The following SMARCC1 variants were observed in gnomAD, a reference collection of about 807,000 sequenced individuals.
SMARCC1 encodes the protein SWI/SNF complex subunit SMARCC1.
Under a neutral mutation model 147.4 loss-of-function variants are expected in SMARCC1, and 43 were observed. The observed-to-expected ratio is 0.29, with a 90% confidence interval of 0.23 to 0.38. The LOEUF (loss-of-function observed/expected upper bound fraction) is 0.38. Ranked by LOEUF, SMARCC1 falls within the 10% of genes least tolerant of loss-of-function variation. The pLI, the probability that SMARCC1 is intolerant of heterozygous loss-of-function variation, is 1.00. For missense variants in SMARCC1, 1,119 were observed against 1,381.1 expected (o/e 0.81, Z 3.01); for synonymous variants, 495 against 484.4 (o/e 1.02, Z -0.29).
chr3:47,690,914 C>G (rs73083171), intron 12 of SMARCC1, among the ~76,000 whole-genome samples: 2,037 of 152,276 alleles, frequency 0.013, 27 homozygotes, highest in Non-Finnish European at 0.02. Context: ...AAGTAACTAA[C>G]AGAAAGAAAT....
intron 26 of SMARCC1, among the ~76,000 whole-genome samples, chr3:47,599,202 C>T (rs1349265603): frequency 1.3e-5 from 2 of 152,180 alleles, no homozygotes; most frequent in Non-Finnish European, 2.9e-5. Flanking sequence ...GCCTAGCCAA[C>T]ATGGTGAAAC....
chr3:47,672,177 TA>T (rs1334348024), intron 18 of SMARCC1, among the ~76,000 whole-genome samples: 2 of 152,176 alleles, frequency 1.3e-5, no homozygotes, highest in East Asian at 3.9e-4. Flanking sequence ...TGCCTGTATC[TA>T]TAACGCAGAA....
chr3:47,710,434 T>C (rs990082775), intron 9 of SMARCC1, among the ~76,000 whole-genome samples: 2 of 152,132 alleles, frequency 1.3e-5, no homozygotes, highest in Non-Finnish European at 2.9e-5. Context: ...GCTATACCAC[T>C]ACCCTTCTGC....
chr3:47,607,596 G>C (rs1400116839), intron 26 of SMARCC1, among the ~76,000 whole-genome samples: 2 of 152,142 alleles, frequency 1.3e-5, no homozygotes, highest in African/African-American at 4.8e-5. Context: ...GTGGGGTTTG[G>C]GGGGTGAACT....
chr3:47,648,489 C>A (rs374367827), intron 21 of SMARCC1, among the ~76,000 whole-genome samples: 1 of 152,066 alleles, frequency 6.6e-6, no homozygotes, highest in Non-Finnish European at 1.5e-5. Flanking sequence ...TGGGCTTAAG[C>A]GATCCTTCCA....
chr3:47,674,461 T>C (rs1444072691), intron 18 of SMARCC1, among the ~76,000 whole-genome samples: 1 of 152,258 alleles, frequency 6.6e-6, no homozygotes, highest in African/African-American at 2.4e-5. Context: ...AAATGTCCTT[T>C]GGCTTTGATC....
intron 2 of SMARCC1, among the ~76,000 whole-genome samples, chr3:47,763,616 C>T (rs1475030822): frequency 6.6e-6 from 1 of 151,410 alleles, no homozygotes; most frequent in African/African-American, 2.4e-5. Context: ...TATAGATAGG[C>T]ATGAGCCACA....
intron 26 of SMARCC1, among the ~76,000 whole-genome samples, chr3:47,600,946 TA>T (rs543546684): frequency 1.7e-3 from 187 of 110,916 alleles, no homozygotes; most frequent in African/African-American, 2.5e-3. Flanking sequence ...TCTTTTCCAT[TA>T]AAAAAAAAAA....
chr3:47,738,412 G>A (rs541818511), intron 3 of SMARCC1, among the ~76,000 whole-genome samples: 7 of 152,270 alleles, frequency 4.6e-5, no homozygotes, highest in Non-Finnish European at 7.4e-5. Flanking sequence ...CAGGCTGGGC[G>A]CAGTGGCTGA....
chr3:47,619,682 G>C (rs1055230469), intron 25 of SMARCC1, among the ~76,000 whole-genome samples: 1 of 152,256 alleles, frequency 6.6e-6, no homozygotes, highest in Non-Finnish European at 1.5e-5. Context: ...TCAATGGTGT[G>C]AGAGATGCTT....
chr3:47,705,606 G>T (rs2033982971), intron 10 of SMARCC1, among the ~76,000 whole-genome samples: 2 of 151,862 alleles, frequency 1.3e-5, no homozygotes, highest in Non-Finnish European at 2.9e-5. Flanking sequence ...GCCAACTAGG[G>T]TAGAGAGGAA....
intron 14 of SMARCC1, 66 bp downstream of exon 14, chr3:47,685,983 C>T: frequency 1.4e-6 from 2 of 1,404,682 alleles, no homozygotes; most frequent in Admixed American, 3.8e-5. Flanking sequence ...AAAGGCACAA[C>T]CTGATTTCAA....
chr3:47,618,613 G>C (rs776469564), intron 25 of SMARCC1, among the ~76,000 whole-genome samples: 10 of 152,028 alleles, frequency 6.6e-5, no homozygotes, highest in Non-Finnish European at 1.5e-4. Flanking sequence ...TTAAAAAATA[G>C]ACATCACACA....
rs2032056265 is a variant in SMARCC1, at chr3:47,585,442, A to C, written c.*2767T>G. The C allele has an allele frequency of 6.6e-6, 1 of 152,030 alleles. No homozygotes were observed. Among genetic ancestry groups the C allele is most frequent in the Non-Finnish European group, 1.5e-5 (1 of 68,012 alleles). The allele number at this position is 152,030 out of a possible 1,614,324, so 9.4% of individuals were successfully genotyped here. Reference sequence around the variant, plus strand: ...ACACAGAATCCTCTTCTTTTGCTTCACTCGATTTATAAGCATCCTGAAAAC... The same window carrying C: ...ACACAGAATCCTCTTCTTTTGCTTCCCTCGATTTATAAGCATCCTGAAAAC... On this transcript the variant is annotated 3_prime_UTR_variant, in exon 28 of 28. Coordinates refer to ENST00000254480, the MANE Select transcript of SMARCC1 (RefSeq NM_003074.4).
rs1160517932 is a variant in SMARCC1, at chr3:47,781,725, C to G, written c.73G>C (p.Ala25Pro). ...GATGSGIAAA[A>P]AGLAVYRRKD... The stretch of plus-strand genomic sequence containing the variant: ...CGTCGATAAACAGCTAGGCCTGCGG[C>G]TGCCGCCGCAATCCCCGAGCCCGTG... The change falls in exon 1 of 28, where the codon GCC becomes CCC. Residue 25 changes from alanine to proline, a missense_variant. Physicochemically the swap from Ala to Pro is conservative, Grantham distance 27 (BLOSUM62 -1). Transcript: ENST00000254480. 1 of 1,553,092 alleles carries G rather than the reference C, an allele frequency of 6.4e-7. No individual in the cohort carries two copies. Among genetic ancestry groups the G allele is most frequent in the African/African-American group, 1.4e-5 (1 of 70,230 alleles).
Position 47,781,688 on chromosome 3 carries a change from C to T in SMARCC1, c.110G>A (p.Gly37Asp). ...GCTCTCCCAAAACTTGGTGGCCGGG[C>T]CCCCATCCTTCCGTCGATAAACAGC... ...GLAVYRRKDG[G>D]PATKFWESPE... Residue 37 changes from glycine (G) to aspartate (D), a missense_variant, in exon 1 of 28, where the codon GGC becomes GAC. Around this residue, in one of 6 missense-constraint regions of SMARCC1, gnomAD observed 542 missense variants for 611.8 expected, o/e 0.89. Coordinates refer to ENST00000254480, the MANE Select transcript of SMARCC1 (RefSeq NM_003074.4). The T allele has an allele frequency of 1.3e-6, 2 of 1,563,108 alleles. No homozygotes were observed. The highest frequency in any genetic ancestry group is 1.9e-5 in the Admixed American group (1 of 52,594).
Position 47,708,083 on chromosome 3 carries a change from C to CTTTTTTTCTTTTTT in SMARCC1, c.919-1554_919-1553insAAAAAAGAAAAAAA, listed in dbSNP as rs1559650534. 4.3e-3 allele frequency among the ~76,000 whole-genome samples: 279 copies of CTTTTTTTCTTTTTT among 64,228 alleles called. 4 individuals are homozygous for CTTTTTTTCTTTTTT. The highest frequency in any genetic ancestry group is 0.019 in the Middle Eastern group (1 of 54). The allele number at this position is 64,228 out of a possible 152,430, so 42.1% of individuals were successfully genotyped here. A position where few individuals can be genotyped will look rare whatever the true frequency, so the allele number is the denominator to read the frequency against. On this transcript the variant is annotated intron_variant, in intron 9 of 27. Transcript: ENST00000254480. ...GTAAATCTGAAGTTGAATTTTTTTT[C>CTTTTTTTCTTTTTT]TTTTTTTTTTTTTTTTTTTTTTTTT...
intron 26 of SMARCC1, among the ~76,000 whole-genome samples, chr3:47,596,591 A>G (rs1304671920): frequency 6.6e-6 from 1 of 151,404 alleles, no homozygotes; most frequent in Non-Finnish European, 1.5e-5. Flanking sequence ...AAATAAATAA[A>G]TAAGAAGAAG....
At chr3:47,750,224 A>T (rs1341590657) in intron 2 of SMARCC1, among the ~76,000 whole-genome samples, 1 of 152,090 alleles carries the variant, frequency 6.6e-6, no homozygotes, top group Non-Finnish European at 1.5e-5. Flanking sequence ...TCACAAGGTC[A>T]AGAGATCCAA....
Sources: allele counts gnomAD v4.1 joint callset (sites outside exome capture counted in the v4.1 genomes callset), GRCh38; gene constraint gnomAD v4.1.1; regional missense constraint gnomAD v4.1.1; transcripts MANE v1.5; gene names NCBI Gene and HGNC (gene_info 2026-07-23, HGNC 2026-07-21).